The following DOCK4 variants were observed in gnomAD, a reference collection of about 807,000 sequenced individuals.
The protein encoded by DOCK4 is dedicator of cytokinesis 4.
A neutral mutation model predicts 268.1 loss-of-function variants in DOCK4; 97 were observed. The observed-to-expected ratio is 0.36, with a 90% CI of 0.31 to 0.43. The LOEUF (loss-of-function observed/expected upper bound fraction) is 0.43, where lower values mean the gene tolerates loss of function less well. Among genes scored for constraint, DOCK4 ranks in the 20% least tolerant of loss-of-function variants. The pLI, the probability that DOCK4 is intolerant of heterozygous loss-of-function variation, is 1.00. For synonymous variants in DOCK4, 954 were observed against 887.2 expected, an observed-to-expected ratio of 1.08 and a Z score of -1.34; for missense variants, 2,145 against 2,455.7, an observed-to-expected ratio of 0.87 and a Z score of 2.67.
At chr7:112,082,095 C>T (rs141674579) in intron 1 of DOCK4, among the ~76,000 whole-genome samples, 5 of 152,202 alleles carry the variant, frequency 3.3e-5, no homozygotes, top group Non-Finnish European at 2.9e-5. Flanking sequence ...TTCTTAGCTC[C>T]GCACCTGTCA....
chr7:112,135,423 A>T (rs1037279377), intron 1 of DOCK4, among the ~76,000 whole-genome samples: 2 of 152,192 alleles, frequency 1.3e-5, no homozygotes, highest in African/African-American at 4.8e-5. Flanking sequence ...GAGAAAAAAA[A>T]ATATTTTCTG....
At chr7:111,832,890 A>T (rs1004826266) in intron 26 of DOCK4, among the ~76,000 whole-genome samples, 4 of 152,194 alleles carry the variant, frequency 2.6e-5, no homozygotes, top group Non-Finnish European at 5.9e-5. Context: ...TGAAATGAGA[A>T]AAGTCCACAT....
intron 52 of DOCK4, among the ~76,000 whole-genome samples, chr7:111,729,120 G>A (rs1291305860): frequency 6.6e-6 from 1 of 152,146 alleles, no homozygotes; most frequent in African/African-American, 2.4e-5. Context: ...TTTTGTGAGG[G>A]AAGCCCGAGC....
intron 1 of DOCK4, among the ~76,000 whole-genome samples, chr7:112,078,645 A>G (rs1808299318): frequency 6.6e-6 from 1 of 152,164 alleles, no homozygotes; most frequent in Non-Finnish European, 1.5e-5. Flanking sequence ...TGGTCAAACA[A>G]TATAGACATG....
At chr7:111,737,030 G>A (rs201048359) in intron 49 of DOCK4, 41 bp from the exon 50 acceptor site, 19 of 1,544,748 alleles carry the variant, frequency 1.2e-5, no homozygotes, top group African/African-American at 6.8e-5. Flanking sequence ...TGTGATATAC[G>A]GGCATGTGAA....
At position 111,728,113 on chromosome 7, in the gene DOCK4, C is replaced by CTT. The variant is rs1363286507; in HGVS notation, c.*159_*160dup. Reference sequence around the variant, plus strand: ...AACATCTGGCGTTTTAGATCAGCAACTTTTAATATTGTGCAACATGATATT... The same window carrying CTT: ...AACATCTGGCGTTTTAGATCAGCAACTTTTTTAATATTGTGCAACATGATATT... On this transcript the variant is annotated 3_prime_UTR_variant, in exon 53 of 53. Coordinates refer to ENST00000428084, the MANE Select transcript of DOCK4 (RefSeq NM_001363540.2). 1.9e-5 allele frequency: 10 copies of CTT among 520,674 alleles called. No individual in the cohort carries two copies. The highest frequency in any genetic ancestry group is 3.0e-5 in the Non-Finnish European group (10 of 334,636). 32.3% of individuals were successfully genotyped at this position (520,674 alleles called of 1,614,324 possible).
chr7:111,731,743 A>AT (rs549769466), intron 52 of DOCK4, among the ~76,000 whole-genome samples: 99 of 152,324 alleles, frequency 6.5e-4, no homozygotes, highest in Admixed American at 1.4e-3. Flanking sequence ...GAAACTTGGT[A>AT]TAAAATATTA....
In DOCK4 at chr7:112,018,182, A is replaced by C. The variant is rs1396881005; in HGVS notation, c.38-14051T>G. ...AAAAAAAAAAAAAAAAAAAAAAAAC[A>C]CAGGCAACCAGTATTCATGTGGCTT... On this transcript the variant is annotated intron_variant, in intron 1 of 52. Coordinates refer to ENST00000428084, the MANE Select transcript of DOCK4 (RefSeq NM_001363540.2). 1.5e-5 allele frequency among the ~76,000 whole-genome samples: 2 copies of C among 136,274 alleles called. 1 individual carries two copies. The highest frequency in any genetic ancestry group is 3.2e-5 in the Non-Finnish European group (2 of 62,800). 89.4% of individuals were successfully genotyped at this position (136,274 alleles called of 152,430 possible).
intron 13 of DOCK4, among the ~76,000 whole-genome samples, chr7:111,914,436 C>T (rs1792411143): frequency 1.3e-5 from 2 of 152,154 alleles, no homozygotes; most frequent in African/African-American, 4.8e-5. Context: ...CTGAATAAGA[C>T]CCAAAGTGCT....
intron 1 of DOCK4, among the ~76,000 whole-genome samples, chr7:112,086,899 G>A (rs554167869): frequency 1.3e-5 from 2 of 152,016 alleles, no homozygotes; most frequent in African/African-American, 2.4e-5. Flanking sequence ...TAGGAGAATT[G>A]GAAAATTCTG....
At chr7:111,785,151 T>C (rs1300703550) in intron 32 of DOCK4, among the ~76,000 whole-genome samples, 1 of 152,170 alleles carries the variant, frequency 6.6e-6, no homozygotes, top group Admixed American at 6.5e-5. Flanking sequence ...TTCTGGTTTA[T>C]TCTAAACTGT....
intron 38 of DOCK4, among the ~76,000 whole-genome samples, chr7:111,765,991 T>C (rs1797737204): frequency 6.6e-6 from 1 of 152,104 alleles, no homozygotes; most frequent in Non-Finnish European, 1.5e-5. Context: ...TTTATAAAAA[T>C]CTTAGTGACT....
chr7:112,132,036 G>A (rs1190302500), intron 1 of DOCK4, among the ~76,000 whole-genome samples: 3 of 152,076 alleles, frequency 2.0e-5, no homozygotes, highest in Non-Finnish European at 4.4e-5. Flanking sequence ...TCTCATTTCG[G>A]GCAGATTTAT....
At chr7:111,972,184 T>A (rs1465874131) in intron 8 of DOCK4, among the ~76,000 whole-genome samples, 2 of 152,198 alleles carry the variant, frequency 1.3e-5, no homozygotes, top group East Asian at 3.9e-4. Flanking sequence ...AAAGCTCCAA[T>A]TCTGGCCAAT....
chr7:111,922,076 G>T lies in DOCK4; in HGVS notation c.1067-6172C>A, dbSNP rs918798190. Among the ~76,000 whole-genome samples, 4 of 152,178 alleles carry T rather than the reference G, an allele frequency of 2.6e-5. No individual in the cohort carries two copies. In the East Asian group the frequency reaches 7.7e-4, roughly 29 times the overall value. Reference sequence around the variant, plus strand: ...TAAGTACAATTAGACATATGCGAAGGCGGTGAAATTCCTAATGACATGGAG... The same window carrying T: ...TAAGTACAATTAGACATATGCGAAGTCGGTGAAATTCCTAATGACATGGAG... On this transcript the variant is annotated intron_variant, in intron 12 of 52. Coordinates refer to ENST00000428084, the MANE Select transcript of DOCK4 (RefSeq NM_001363540.2).
intron 24 of DOCK4, 33 bp from the exon 25 acceptor site, chr7:111,844,930 C>T: frequency 6.3e-7 from 1 of 1,585,042 alleles, no homozygotes. Flanking sequence ...GTTCAGGAAA[C>T]TGGGGTTTAA....
intron 1 of DOCK4, among the ~76,000 whole-genome samples, chr7:112,085,423 T>C (rs1234794060): frequency 1.3e-5 from 2 of 152,108 alleles, no homozygotes; most frequent in African/African-American, 4.8e-5. Context: ...TAAAAACTCA[T>C]GAGTTCATAA....
rs945648014 is a variant in DOCK4, at chr7:111,792,541, C to T, written c.3167-1936G>A. 2.1e-4 allele frequency among the ~76,000 whole-genome samples: 32 copies of T among 152,130 alleles called. 1 individual carries two copies. Among genetic ancestry groups the T allele is most frequent in the Non-Finnish European group, 4.4e-4 (30 of 68,022 alleles). On this transcript the variant is annotated intron_variant, in intron 30 of 52. Transcript: ENST00000428084. ...AGGGTTACAGGCACGCACCACCACG[C>T]CCAGCTAATTTTTGTATTTTTAGTA...
intron 23 of DOCK4, among the ~76,000 whole-genome samples, chr7:111,850,502 GA>G (rs1418526997): frequency 4.6e-5 from 7 of 152,182 alleles, no homozygotes; most frequent in African/African-American, 1.7e-4. Flanking sequence ...ACTGTCCTCA[GA>G]GCCCAAGCTA....
Sources: allele counts gnomAD v4.1 joint callset (sites outside exome capture counted in the v4.1 genomes callset), GRCh38; gene constraint gnomAD v4.1.1; transcripts MANE v1.5; gene names NCBI Gene and HGNC (gene_info 2026-07-23, HGNC 2026-07-21).